CNTN4: variants seen among roughly 807,000 people sequenced by gnomAD.
CNTN4 encodes the protein contactin-4.
A neutral mutation model predicts 122.5 loss-of-function variants in CNTN4; 77 were observed. The ratio of observed to expected loss-of-function variants is 0.63; its 90% confidence interval spans 0.52 to 0.76. CNTN4 has a LOEUF of 0.76. CNTN4 is among the 30% of genes least tolerant of loss of function. CNTN4 has a pLI of 0.00. For synonymous variants in CNTN4, 512 were observed against 447.0 expected (o/e 1.15, Z -1.83); for missense variants, 1,256 against 1,259.1 (o/e 1.00, Z 0.04).
chr3:2,467,604 GATTACATAAA>G, intron 3 of CNTN4, among the ~76,000 whole-genome samples: 1 of 152,180 alleles, frequency 6.6e-6, no homozygotes, highest in Non-Finnish European at 1.5e-5. Context: ...GCCTTGTGAT[GATTACATAAA>G]ACAATATATG....
Position 3,003,684 on chromosome 3 carries a change from C to CAAA in CNTN4, c.1486+15240_1486+15242dup, listed in dbSNP as rs58290160. Among the ~76,000 whole-genome samples, 167 of 76,950 alleles carry CAAA rather than the reference C, an allele frequency of 2.2e-3. 1 individual carries two copies. Among genetic ancestry groups the CAAA allele is most frequent in the African/African-American group, 3.7e-3 (92 of 24,706 alleles). 50.5% of individuals were successfully genotyped at this position (76,950 alleles called of 152,430 possible). ...AATTAGATAGTAGTCATGGTTGCAC[C>CAAA]AAAAAAAAAAAAAAAAAAAAAAAAA... On this transcript the variant is annotated intron_variant, in intron 14 of 24. Transcript: ENST00000418658.
chr3:3,033,664 C>A (rs1015156836), intron 16 of CNTN4, among the ~76,000 whole-genome samples: 10 of 152,212 alleles, frequency 6.6e-5, no homozygotes, highest in African/African-American at 1.7e-4. Flanking sequence ...CCATCACCTT[C>A]CCTCCTGAGG....
In CNTN4 at chr3:2,455,088, C is replaced by T. The variant is rs566424241; in HGVS notation, c.-89+115855C>T. On this transcript the variant is annotated intron_variant, in intron 3 of 24. Transcript: ENST00000418658. ...ATATGGTGTGGAAGCAACTAATCATCGCTGGATTGCTCAAGAGAGGATATG... is the reference window on the plus strand; with the variant it reads ...ATATGGTGTGGAAGCAACTAATCATTGCTGGATTGCTCAAGAGAGGATATG... Among the ~76,000 whole-genome samples the T allele has an allele frequency of 2.1e-4, 32 of 152,216 alleles. No individual in the cohort carries two copies. The South Asian group carries it at 5.6e-3, about 27-fold the overall frequency.
At chr3:2,658,991 CA>C (rs2083739490) in intron 4 of CNTN4, among the ~76,000 whole-genome samples, 1 of 148,308 alleles carries the variant, frequency 6.7e-6, no homozygotes. Flanking sequence ...CACACACACA[CA>C]CACACACACA....
intron 2 of CNTN4, among the ~76,000 whole-genome samples, chr3:2,333,482 C>A (rs71309886): frequency 0.065 from 9,921 of 152,232 alleles, 402 homozygotes; most frequent in Middle Eastern, 0.078. Flanking sequence ...CCCTTGTTAT[C>A]AAGAGATAAT....
intron 4 of CNTN4, among the ~76,000 whole-genome samples, chr3:2,727,752 C>A (rs1576586399): frequency 6.6e-6 from 1 of 152,162 alleles, no homozygotes; most frequent in African/African-American, 2.4e-5. Context: ...AACAAGAGAA[C>A]AAAGAAATCG....
chr3:2,474,392 C>T (rs78133735), intron 3 of CNTN4, among the ~76,000 whole-genome samples: 2 of 152,306 alleles, frequency 1.3e-5, no homozygotes, highest in East Asian at 1.9e-4. Context: ...TCAGAATAAA[C>T]AGGCACACCT....
intron 2 of CNTN4, among the ~76,000 whole-genome samples, chr3:2,329,142 ACAT>A (rs1441797211): frequency 6.6e-6 from 1 of 152,242 alleles, no homozygotes; most frequent in African/African-American, 2.4e-5. Flanking sequence ...ACATAAATAC[ACAT>A]CAACTTAAAC....
At chr3:2,588,228 T>A (rs529279614) in intron 4 of CNTN4, among the ~76,000 whole-genome samples, 1 of 152,244 alleles carries the variant, frequency 6.6e-6, no homozygotes, top group East Asian at 1.9e-4. Context: ...ACCACAAGTA[T>A]AAGACTGTCA....
chr3:2,954,278 G>C (rs1024821188), intron 13 of CNTN4, among the ~76,000 whole-genome samples: 3 of 152,060 alleles, frequency 2.0e-5, no homozygotes, highest in African/African-American at 7.2e-5. Flanking sequence ...AAATGAACAA[G>C]GTCTTTCACC....
At chr3:2,374,311 C>T (rs2045741093) in intron 3 of CNTN4, among the ~76,000 whole-genome samples, 1 of 152,170 alleles carries the variant, frequency 6.6e-6, no homozygotes, top group Admixed American at 6.5e-5. Context: ...ACCCAGCTCC[C>T]TTAAAATCAT....
intron 3 of CNTN4, among the ~76,000 whole-genome samples, chr3:2,485,026 C>G (rs879565218): frequency 6.6e-6 from 1 of 152,212 alleles, no homozygotes. Context: ...CCACTGGCCC[C>G]GGGCAGTGAG....
chr3:2,748,358 A>G (rs1171579038), intron 6 of CNTN4, among the ~76,000 whole-genome samples: 1 of 152,184 alleles, frequency 6.6e-6, no homozygotes, highest in Non-Finnish European at 1.5e-5. Flanking sequence ...TTTACCCCTA[A>G]TAAATTCATG....
At chr3:2,234,389 AAAG>A (rs1240992885) in intron 2 of CNTN4, among the ~76,000 whole-genome samples, 75 of 148,702 alleles carry the variant, frequency 5.0e-4, no homozygotes, top group African/African-American at 1.9e-3. Context: ...AAAAAAAAAA[AAAG>A]AGGAAGTTTT....
chr3:2,801,067 C>A (rs181915357), intron 6 of CNTN4, among the ~76,000 whole-genome samples: 1 of 152,142 alleles, frequency 6.6e-6, no homozygotes, highest in African/African-American at 2.4e-5. Flanking sequence ...AACTTTTTAT[C>A]ATGGTATTAT....
chr3:2,140,630 C>T (rs1043331462), intron 2 of CNTN4, among the ~76,000 whole-genome samples: 4 of 152,136 alleles, frequency 2.6e-5, no homozygotes, highest in African/African-American at 9.7e-5. Context: ...GCCCCAACTC[C>T]TAATAGCATC....
chr3:2,128,285 G>T (rs1256760192), intron 2 of CNTN4, among the ~76,000 whole-genome samples: 1 of 152,112 alleles, frequency 6.6e-6, no homozygotes, highest in Non-Finnish European at 1.5e-5. Flanking sequence ...CTGGCCAAAA[G>T]AAAACACATA....
chr3:2,875,301 A>G (rs2093831154), intron 8 of CNTN4, among the ~76,000 whole-genome samples: 2 of 152,114 alleles, frequency 1.3e-5, no homozygotes, highest in African/African-American at 4.8e-5. Flanking sequence ...CTTATCTTTA[A>G]TCACATTATC....
chr3:3,026,408 C>A, intron 15 of CNTN4, 131 bp downstream of exon 15: 1 of 779,624 alleles, frequency 1.3e-6, no homozygotes, highest in Non-Finnish European at 2.2e-6. Context: ...ATTCCTGCTC[C>A]TTTTTGCACA....
Sources: gnomAD v4.1 joint callset for allele counts (sites outside exome capture counted in the v4.1 genomes callset) on GRCh38, gnomAD v4.1.1 for gene constraint, MANE v1.5 for transcripts, NCBI Gene and HGNC (gene_info 2026-07-23, HGNC 2026-07-21) for gene names.